Variants in DDX18 observed in about 807,000 individuals in gnomAD.
DDX18 encodes the protein DEAD-box helicase 18.
In DDX18, 23 loss-of-function variants were observed where a neutral mutation model predicts 73.5. The ratio of observed to expected loss-of-function variants is 0.31; its 90% CI spans 0.23 to 0.44. DDX18 has a LOEUF of 0.44. DDX18 is among the 20% of genes least tolerant of loss of function. The pLI, the probability that DDX18 is intolerant of heterozygous loss-of-function variation, is 1.00. For missense variants in DDX18, 753 were observed against 792.9 expected (o/e 0.95, Z 0.60); for synonymous variants, 268 against 282.7 (o/e 0.95, Z 0.52).
chr2:117,826,653 C>A, intron 11 of DDX18: 1 of 431,210 alleles, frequency 2.3e-6, no homozygotes, highest in Non-Finnish European at 4.3e-6. Flanking sequence ...TCTTTGAAAC[C>A]TTCTCCACTC....
chr2:117,829,501 A>G lies in DDX18; in HGVS notation c.1870+35A>G, dbSNP rs762208940. On this transcript the variant is annotated intron_variant, in intron 13 of 13. Coordinates refer to ENST00000263239, the MANE Select transcript of DDX18 (RefSeq NM_006773.4). ...TCTTTAATGAAGTTATCCTGTGACT[A>G]AGGAACAAAAGCTTGACAGAGGGGC... 6.3e-6 allele frequency: 10 copies of G among 1,582,832 alleles called. No homozygotes were observed. In the Admixed American group the frequency reaches 1.3e-4, roughly 20 times the overall value.
chr2:117,821,461 C>T (rs189362385), intron 4 of DDX18, among the ~76,000 whole-genome samples, 165 bp downstream of exon 4: 1 of 152,136 alleles, frequency 6.6e-6, no homozygotes, highest in African/African-American at 2.4e-5. Context: ...GGAAAGTGTT[C>T]GAAAGGTGTT....
At chr2:117,822,681 C>T (rs34849568) in intron 7 of DDX18, 6 of 162,044 alleles carry the variant, frequency 3.7e-5, no homozygotes, top group Non-Finnish European at 8.1e-5. Context: ...ATAATTATAT[C>T]TACCCATTTA....
chr2:117,817,794 C>A (rs928542549), intron 2 of DDX18, 66 bp downstream of exon 2: 34 of 1,484,254 alleles, frequency 2.3e-5, no homozygotes, highest in Middle Eastern at 1.8e-4. Context: ...GTTCCTCTTT[C>A]TATTACTATT....
At chr2:117,826,404 A>C in intron 11 of DDX18, 22 bp downstream of exon 11, 1 of 1,603,540 alleles carries the variant, frequency 6.2e-7, no homozygotes, top group Middle Eastern at 1.7e-4. Context: ...TACTTGGAGA[A>C]AGATTTCTCT....
intron 3 of DDX18, among the ~76,000 whole-genome samples, chr2:117,820,526 A>G (rs977892815): frequency 4.6e-5 from 7 of 152,210 alleles, no homozygotes; most frequent in African/African-American, 1.7e-4. Flanking sequence ...AACACTGCAT[A>G]ATATCTTATA....
At position 117,825,087 on chromosome 2, in the gene DDX18, G is replaced by A. The variant is rs770229868; in HGVS notation, c.1354G>A (p.Val452Ile). 137 of 1,608,722 alleles carry A rather than the reference G, an allele frequency of 8.5e-5. No individual in the cohort carries two copies. Among genetic ancestry groups the A allele is most frequent in the Admixed American group, 3.4e-5 (2 of 58,444 alleles). The change falls in exon 9 of 14, where the codon GTC (valine) becomes ATC (isoleucine). Residue 452 changes from valine (V) to isoleucine (I), a missense_variant. Physicochemically the swap from Val to Ile is conservative, Grantham distance 29 (BLOSUM62 3). This residue lies in a region of DDX18 where 402 missense variants were observed against 419.4 expected (regional missense o/e 0.96). Coordinates refer to ENST00000263239, the MANE Select transcript of DDX18 (RefSeq NM_006773.4). Reference protein sequence around the residue: ...YELLNYIDLPVLAIHGKQKQN... With the variant: ...YELLNYIDLPILAIHGKQKQN... ...GTTGCTGAACTACATTGATTTGCCC[G>A]TCTTGGCCATTCATGTAAGTGATGA...
chr2:117,823,393 C>CTTT (rs1382540765), intron 7 of DDX18, among the ~76,000 whole-genome samples: 1 of 152,156 alleles, frequency 6.6e-6, no homozygotes, highest in Non-Finnish European at 1.5e-5. Flanking sequence ...AGATTTATCT[C>CTTT]TGAGTGTTTC....
In DDX18 at chr2:117,825,506, G is replaced by A. The variant is rs372077184; in HGVS notation, c.1428G>A (p.Ser476=). 47 of 1,613,966 alleles carry A rather than the reference G, an allele frequency of 2.9e-5. No individual in the cohort carries two copies. Among genetic ancestry groups the A allele is most frequent in the African/African-American group, 9.3e-5 (7 of 74,892 alleles). Residue 476 remains serine (S), a synonymous_variant, in exon 10 of 14, where the codon TCG becomes TCA. Transcript: ENST00000263239. The stretch of plus-strand genomic sequence containing the variant: ...TCTTCCAGTTCTGCAATGCAGATTC[G>A]GGAACACTATTGTGTACGGATGTGG... The part of the protein sequence containing the change: ...TTFFQFCNAD[S]GTLLCTDVAA...
At chr2:117,819,005 A>G (rs1449733550) in intron 2 of DDX18, among the ~76,000 whole-genome samples, 2 of 152,224 alleles carry the variant, frequency 1.3e-5, no homozygotes, top group South Asian at 2.1e-4. Flanking sequence ...GTTGTGGTCT[A>G]AGTTCTTTTC....
intron 2 of DDX18, among the ~76,000 whole-genome samples, chr2:117,818,475 GT>G (rs1447227573): frequency 6.6e-6 from 1 of 152,278 alleles, no homozygotes; most frequent in African/African-American, 2.4e-5. Flanking sequence ...TGAAATAAGG[GT>G]TTTATTTAGA....
chr2:117,831,046 C>T lies in DDX18; in HGVS notation c.*322C>T, dbSNP rs15975. 81,864 of 247,742 alleles carry T rather than the reference C, an allele frequency of 0.33. 14,576 individuals are homozygous for T. The highest frequency in any genetic ancestry group is 0.48 in the African/African-American group (20,513 of 43,102). The allele number at this position is 247,742 out of a possible 1,614,324, so 15.3% of individuals were successfully genotyped here. On this transcript the variant is annotated 3_prime_UTR_variant, in exon 14 of 14. Transcript: ENST00000263239. ...CCATTTTAATATAATTCTTTTTGTACCTTTCCTTCTTGTTTTGCGAAGATT... is the reference window on the plus strand; with the variant it reads ...CCATTTTAATATAATTCTTTTTGTATCTTTCCTTCTTGTTTTGCGAAGATT...
At position 117,819,750 on chromosome 2, in the gene DDX18, G is replaced by A; in HGVS notation, c.472G>A (p.Glu158Lys). 1.2e-6 allele frequency: 2 copies of A among 1,608,390 alleles called. No individual in the cohort carries two copies. The highest frequency in any genetic ancestry group is 1.7e-6 in the Non-Finnish European group (2 of 1,178,042). Residue 158 changes from glutamate to lysine, a missense_variant, in exon 3 of 14, where the codon GAA becomes AAA. Glu to Lys is a moderately conservative substitution (Grantham distance 56, BLOSUM62 1). Around this residue, in one of 3 missense-constraint regions of DDX18, gnomAD observed 345 missense variants for 352.0 expected, o/e 0.98. Coordinates refer to ENST00000263239, the MANE Select transcript of DDX18 (RefSeq NM_006773.4). ...ENNVEKPDND[E>K]DESEVPSLPL... ...TAATGTGGAGAAGCCAGATAATGAT[G>A]AAGATGAGAGTGAGGTGCCCAGTCT... is the stretch of plus-strand genomic sequence containing the variant.
chr2:117,820,854 C>T (rs1163113383), intron 3 of DDX18, among the ~76,000 whole-genome samples: 1 of 151,982 alleles, frequency 6.6e-6, no homozygotes, highest in Non-Finnish European at 1.5e-5. Context: ...TTTCATTTAT[C>T]TCTGGACTCT....
In DDX18 at chr2:117,828,983, A is replaced by C; in HGVS notation, c.1670A>C (p.Lys557Thr). ...AGTGAATTTGACTTTTCCTGGTCTA[A>C]AATTTCTGACATTCAGTCTCAGGTA... is the stretch of plus-strand genomic sequence containing the variant. ...PLSEFDFSWS[K>T]ISDIQSQLEK... The change falls in exon 12 of 14, where the codon AAA becomes ACA. Residue 557 changes from lysine to threonine, a missense_variant. Physicochemically the swap from Lys to Thr is moderately conservative, Grantham distance 78. This residue lies in a region of DDX18 where 402 missense variants were observed against 419.4 expected (regional missense o/e 0.96). Transcript: ENST00000263239. 1 of 1,612,926 alleles carries C rather than the reference A, an allele frequency of 6.2e-7. No homozygotes were observed. The highest frequency in any genetic ancestry group is 8.5e-7 in the Non-Finnish European group (1 of 1,179,018).
At chr2:117,829,042 C>T in intron 12 of DDX18, 37 bp downstream of exon 12, 15 of 1,542,426 alleles carry the variant, frequency 9.7e-6, no homozygotes, top group Non-Finnish European at 1.3e-5. Flanking sequence ...TAAACAGGAA[C>T]CTTGTCCCAG....
chr2:117,818,883 T>A (rs988593758), intron 2 of DDX18, among the ~76,000 whole-genome samples: 1 of 152,154 alleles, frequency 6.6e-6, no homozygotes, highest in African/African-American at 2.4e-5. Context: ...GGAGACCAGC[T>A]GAAGATATCT....
intron 9 of DDX18, 87 bp from the exon 10 acceptor site, chr2:117,825,360 A>AAAG (rs1679907908): frequency 3.4e-6 from 5 of 1,481,676 alleles, no homozygotes; most frequent in Non-Finnish European, 4.6e-6. Flanking sequence ...TGAGCTCGAA[A>AAAG]TAGGGTAACA....
chr2:117,819,920 T>G, intron 3 of DDX18, 128 bp downstream of exon 3: 1 of 832,532 alleles, frequency 1.2e-6, no homozygotes, highest in Non-Finnish European at 1.7e-6. Flanking sequence ...AAGAAACTTT[T>G]TTTATATCTT....
Sources: allele counts gnomAD v4.1 joint callset (sites outside exome capture counted in the v4.1 genomes callset), GRCh38; gene constraint gnomAD v4.1.1; regional missense constraint gnomAD v4.1.1; transcripts MANE v1.5; gene names NCBI Gene and HGNC (gene_info 2026-07-23, HGNC 2026-07-21).